The following DCT variants were observed in gnomAD, a reference collection of about 807,000 sequenced individuals.
DCT encodes the protein L-dopachrome tautomerase.
Under a neutral mutation model 53.0 loss-of-function variants are expected in DCT, and 47 were observed. The observed-to-expected ratio is 0.89, with a 90% CI of 0.70 to 1.13. DCT has a LOEUF of 1.13. Ranked by LOEUF, DCT falls within the 50% of genes most tolerant of loss-of-function variation. DCT has a pLI of 0.00. For synonymous variants in DCT, 244 were observed against 237.0 expected (o/e 1.03, Z -0.27); for missense variants, 669 against 637.4 (o/e 1.05, Z -0.53).
At chr13:94,444,508 G>C (rs1882590430) in intron 6 of DCT, 1 of 405,908 alleles carries the variant, frequency 2.5e-6, no homozygotes, top group Non-Finnish European at 4.9e-6. Context: ...TTAAAATATA[G>C]CAATTACTAT....
the DCT span, among the ~76,000 whole-genome samples, chr13:94,488,698 C>T: frequency 4.7e-5 from 7 of 149,550 alleles, no homozygotes; most frequent in African/African-American, 1.5e-4. Context: ...CTGGGTGATA[C>T]GGCCAGACCT....
At chr13:94,447,939 T>C (rs974653429) in intron 6 of DCT, among the ~76,000 whole-genome samples, 1 of 152,134 alleles carries the variant, frequency 6.6e-6, no homozygotes, top group Non-Finnish European at 1.5e-5. Flanking sequence ...AGGAGGGCTA[T>C]AAAACATACA....
chr13:94,532,284 G>T, the DCT span, among the ~76,000 whole-genome samples: 5 of 152,142 alleles, frequency 3.3e-5, no homozygotes, highest in Non-Finnish European at 7.3e-5. Context: ...TCCCATTACT[G>T]GGTATATACC....
chr13:94,510,408 G>A, the DCT span, among the ~76,000 whole-genome samples: 1 of 127,652 alleles, frequency 7.8e-6, no homozygotes, highest in Non-Finnish European at 1.6e-5. Context: ...TTAAGCACTT[G>A]CATTGTGGTG....
the DCT span, among the ~76,000 whole-genome samples, chr13:94,502,542 A>G: frequency 0.38 from 57,072 of 151,808 alleles, 11,197 homozygotes; most frequent in East Asian, 0.61. Flanking sequence ...AGCCCTCAAC[A>G]CTCAGCTGCG....
chr13:94,547,977 A>AT, the DCT span, among the ~76,000 whole-genome samples: 19 of 115,256 alleles, frequency 1.6e-4, no homozygotes, highest in Non-Finnish European at 2.0e-4. Flanking sequence ...AAAAAAAAAA[A>AT]AAAAAAAATA....
At chr13:94,488,864 A>T in the DCT span, among the ~76,000 whole-genome samples, 1 of 74,784 alleles carries the variant, frequency 1.3e-5, no homozygotes, top group Non-Finnish European at 3.4e-5. Flanking sequence ...ACACATACAT[A>T]CACACACATA....
intron 6 of DCT, chr13:94,445,552 C>G (rs1882662924): frequency 3.3e-6 from 2 of 602,606 alleles, no homozygotes; most frequent in Non-Finnish European, 5.9e-6. Flanking sequence ...TAGGCTAGAA[C>G]TGCCTAGTCA....
chr13:94,532,640 G>T, the DCT span, among the ~76,000 whole-genome samples: 3 of 152,160 alleles, frequency 2.0e-5, no homozygotes, highest in African/African-American at 4.8e-5. Context: ...CTGTCAGGGA[G>T]TCAGGGGCTA....
chr13:94,536,921 G>C, the DCT span, among the ~76,000 whole-genome samples: 1 of 152,048 alleles, frequency 6.6e-6, no homozygotes, highest in East Asian at 1.9e-4. Context: ...TCCAACCTGG[G>C]CAACAGAGAG....
chr13:94,503,802 T>C, the DCT span, among the ~76,000 whole-genome samples: 4 of 152,330 alleles, frequency 2.6e-5, no homozygotes, highest in South Asian at 8.3e-4. Flanking sequence ...TTTATGGTAA[T>C]TTGTGACAGC....
At chr13:94,508,859 A>G in the DCT span, among the ~76,000 whole-genome samples, 1 of 152,218 alleles carries the variant, frequency 6.6e-6, no homozygotes, top group African/African-American at 2.4e-5. Context: ...AGGAGGGTGG[A>G]TGACCAACTC....
chr13:94,528,201 C>G, the DCT span, among the ~76,000 whole-genome samples: 7 of 152,232 alleles, frequency 4.6e-5, no homozygotes, highest in African/African-American at 1.7e-4. Flanking sequence ...TGGAACCAAG[C>G]TGGAAAACAC....
chr13:94,536,749 C>T, the DCT span, among the ~76,000 whole-genome samples: 2 of 152,128 alleles, frequency 1.3e-5, no homozygotes, highest in East Asian at 1.9e-4. Flanking sequence ...TCGAGACCAG[C>T]CTGGCCAACA....
chr13:94,470,630 T>A (rs1229084618), intron 1 of DCT, among the ~76,000 whole-genome samples: 2 of 152,208 alleles, frequency 1.3e-5, no homozygotes, highest in Non-Finnish European at 2.9e-5. Flanking sequence ...CCTCCTCCTC[T>A]ACCTCATGCC....
intron 6 of DCT, among the ~76,000 whole-genome samples, chr13:94,444,166 A>G (rs1882557568): frequency 6.6e-6 from 1 of 152,196 alleles, no homozygotes; most frequent in East Asian, 1.9e-4. Flanking sequence ...TTGAGTGCCA[A>G]CATGACACTT....
intron 1 of DCT, among the ~76,000 whole-genome samples, chr13:94,471,660 G>A (rs916682324): frequency 6.6e-6 from 1 of 152,164 alleles, no homozygotes; most frequent in South Asian, 2.1e-4. Flanking sequence ...TACTATGACA[G>A]TACAGGAATG....
chr13:94,532,286 G>C, the DCT span, among the ~76,000 whole-genome samples: 26 of 152,272 alleles, frequency 1.7e-4, no homozygotes, highest in East Asian at 4.4e-3. Flanking sequence ...CCATTACTGG[G>C]TATATACCCA....
At chr13:94,499,512 G>A in the DCT span, among the ~76,000 whole-genome samples, 1 of 152,222 alleles carries the variant, frequency 6.6e-6, no homozygotes, top group African/African-American at 2.4e-5. Flanking sequence ...AGCAGTGGCT[G>A]TTGATGGCAG....
Sources: gnomAD v4.1 joint callset for allele counts (sites outside exome capture counted in the v4.1 genomes callset) on GRCh38, gnomAD v4.1.1 for gene constraint, MANE v1.5 for transcripts, NCBI Gene and HGNC (gene_info 2026-07-23, HGNC 2026-07-21) for gene names.